FAM162B: variants seen among roughly 807,000 people sequenced by gnomAD.
FAM162B encodes the protein protein FAM162B.
In FAM162B, 16 loss-of-function variants were observed where a neutral mutation model predicts 20.0. That is an observed-to-expected ratio of 0.80 (90% confidence interval 0.54 to 1.21). The LOEUF (loss-of-function observed/expected upper bound fraction) is 1.21, where lower values mean the gene tolerates loss of function less well. Ranked by LOEUF, FAM162B falls within the 50% of genes most tolerant of loss-of-function variation. The pLI is 0.00. For missense variants in FAM162B, 260 were observed against 227.5 expected, an observed-to-expected ratio of 1.14 and a Z score of -0.92; for synonymous variants, 83 against 89.7, an observed-to-expected ratio of 0.93 and a Z score of 0.42.
intron 3 of FAM162B, among the ~76,000 whole-genome samples, chr6:116,760,558 T>C (rs1164184148): frequency 6.6e-6 from 1 of 152,218 alleles, no homozygotes; most frequent in East Asian, 1.9e-4. Context: ...GTCTAATTAA[T>C]GTTTATCTTT....
At position 116,752,508 on chromosome 6, in the gene FAM162B, A is replaced by G. The variant is rs1583462944; in HGVS notation, c.*89T>C. The G allele has an allele frequency of 1.2e-5, 7 of 562,474 alleles. No homozygotes were observed. In the East Asian group the frequency reaches 1.8e-4, roughly 15 times the overall value. The allele number at this position is 562,474 out of a possible 1,614,324, so 34.8% of individuals were successfully genotyped here. ...TGTTACCAAAATAAAACCATGGCAG[A>G]TATTTTGGTAAATATTCTATTTTTC... is the stretch of plus-strand genomic sequence containing the variant. On this transcript the variant is annotated 3_prime_UTR_variant, in exon 4 of 4. Coordinates refer to ENST00000368557, the MANE Select transcript of FAM162B (RefSeq NM_001085480.3).
chr6:116,762,322 A>G (rs1256567562), intron 2 of FAM162B, among the ~76,000 whole-genome samples: 2 of 152,164 alleles, frequency 1.3e-5, no homozygotes, highest in Admixed American at 1.3e-4. Context: ...CACTGTATAG[A>G]ATATTAGTTT....
At chr6:116,765,359 G>A in intron 1 of FAM162B, 46 bp downstream of exon 1, 2 of 1,515,966 alleles carry the variant, frequency 1.3e-6, no homozygotes, top group East Asian at 2.4e-5. Flanking sequence ...CTGCCCTCCC[G>A]CAACCTCCTC....
At chr6:116,754,416 GT>G (rs1780029836) in intron 3 of FAM162B, among the ~76,000 whole-genome samples, 1 of 152,132 alleles carries the variant, frequency 6.6e-6, no homozygotes, top group African/African-American at 2.4e-5. Flanking sequence ...GCATTGAAAC[GT>G]TGTGTCAAAC....
chr6:116,761,640 A>G (rs1780143372), intron 3 of FAM162B, among the ~76,000 whole-genome samples: 1 of 146,236 alleles, frequency 6.8e-6, no homozygotes, highest in African/African-American at 2.5e-5. Context: ...ATATACATAT[A>G]TATACACTTA....
In FAM162B at chr6:116,759,599, G is replaced by A. The variant is rs565682432; in HGVS notation, c.390+2378C>T. On this transcript the variant is annotated intron_variant, in intron 3 of 3. Transcript: ENST00000368557. ...TGGGATTACAGGCGTGAGCCACCGC[G>A]CCCGGCCTGATCTTTATTTTCACTG... Among the ~76,000 whole-genome samples, 9 of 152,086 alleles carry A rather than the reference G, an allele frequency of 5.9e-5. No individual in the cohort carries two copies. In the East Asian group the frequency reaches 1.4e-3, roughly 23 times the overall value.
intron 2 of FAM162B, among the ~76,000 whole-genome samples, chr6:116,764,102 C>T (rs928164067): frequency 3.3e-5 from 5 of 152,060 alleles, no homozygotes; most frequent in African/African-American, 1.2e-4. Context: ...CCATGTTCTC[C>T]CACCCCACCC....
intron 3 of FAM162B, 34 bp from the exon 4 acceptor site, chr6:116,752,729 TATATAG>T (rs2114545245): frequency 5.2e-6 from 3 of 576,844 alleles, no homozygotes; most frequent in Non-Finnish European, 7.5e-6. Flanking sequence ...TATATATATA[TATATAG>T]ATACACGTAT....
At chr6:116,752,716 ATATAT>A in intron 3 of FAM162B, 21 bp from the exon 4 acceptor site, 1 of 281,592 alleles carries the variant, frequency 3.6e-6, no homozygotes. Flanking sequence ...GAAGAAATAT[ATATAT>A]ATATATATAT....
intron 3 of FAM162B, among the ~76,000 whole-genome samples, chr6:116,759,403 G>T (rs1327344982): frequency 3.2e-5 from 4 of 125,250 alleles, no homozygotes; most frequent in African/African-American, 1.1e-4. Context: ...CTGGGTTCAC[G>T]CCATTCTCCT....
At chr6:116,755,889 T>C (rs1780045705) in intron 3 of FAM162B, among the ~76,000 whole-genome samples, 2 of 152,292 alleles carry the variant, frequency 1.3e-5, no homozygotes, top group East Asian at 3.9e-4. Flanking sequence ...TTAAGCTCAC[T>C]GTTGAGACTT....
intron 3 of FAM162B, among the ~76,000 whole-genome samples, chr6:116,754,546 G>A (rs1780030977): frequency 6.6e-6 from 1 of 152,134 alleles, no homozygotes; most frequent in Admixed American, 6.5e-5. Flanking sequence ...ACATTTAATA[G>A]AAGAGTTGAG....
chr6:116,755,486 A>C (rs1376417555), intron 3 of FAM162B, among the ~76,000 whole-genome samples: 1 of 152,250 alleles, frequency 6.6e-6, no homozygotes, highest in Non-Finnish European at 1.5e-5. Flanking sequence ...AGCTGTCTCC[A>C]TAACAAAAGT....
Position 116,752,400 on chromosome 6 carries a change from C to T in FAM162B, c.*197G>A, listed in dbSNP as rs565226734. On this transcript the variant is annotated 3_prime_UTR_variant, in exon 4 of 4. Coordinates refer to ENST00000368557, the MANE Select transcript of FAM162B (RefSeq NM_001085480.3). ...ACATAAATATCTATCAGACTGTATA[C>T]AGTTTTGTCCACTTTTTGAATGCAT... 4.3e-4 allele frequency: 103 copies of T among 237,308 alleles called. No individual in the cohort carries two copies. Among genetic ancestry groups the T allele is most frequent in the Non-Finnish European group, 6.5e-4 (79 of 122,224 alleles). The allele number at this position is 237,308 out of a possible 1,614,324, so 14.7% of individuals were successfully genotyped here.
chr6:116,752,567 A>G lies in FAM162B; in HGVS notation c.*30T>C. 7.8e-7 allele frequency: 1 copy of G among 1,276,182 alleles called. No individual in the cohort carries two copies. The highest frequency in any genetic ancestry group is 1.1e-6 in the Non-Finnish European group (1 of 912,146). The allele number at this position is 1,276,182 out of a possible 1,614,324, so 79.1% of individuals were successfully genotyped here. On this transcript the variant is annotated 3_prime_UTR_variant, in exon 4 of 4. Transcript: ENST00000368557. The stretch of plus-strand genomic sequence containing the variant: ...TACTGTTGCTGATGACAGGGATGGT[A>G]TTCAGGTGAACACTTTGTCACTTAG...
chr6:116,754,740 A>G (rs1780034968), intron 3 of FAM162B, among the ~76,000 whole-genome samples: 1 of 152,022 alleles, frequency 6.6e-6, no homozygotes, highest in Non-Finnish European at 1.5e-5. Context: ...GCAACCTTGC[A>G]TGGAACAAGT....
chr6:116,756,324 T>G (rs951339576), intron 3 of FAM162B, among the ~76,000 whole-genome samples: 1 of 152,158 alleles, frequency 6.6e-6, no homozygotes, highest in African/African-American at 2.4e-5. Flanking sequence ...ACTGCAGATG[T>G]GGTGGAATAG....
rs868422654 is a variant in FAM162B, at chr6:116,762,115, T to C, written c.282-30A>G. 2.3e-5 allele frequency: 34 copies of C among 1,496,662 alleles called. 1 individual carries two copies. The Middle Eastern group carries it at 4.5e-3, about 197-fold the overall frequency. 92.7% of individuals were successfully genotyped at this position (1,496,662 alleles called of 1,614,324 possible). On this transcript the variant is annotated intron_variant, in intron 2 of 3. Coordinates refer to ENST00000368557, the MANE Select transcript of FAM162B (RefSeq NM_001085480.3). ...ACAAAGATGTGTATTTTGTTAAATA[T>C]GTAAAAGTAATATGGTTTTCTGACA...
chr6:116,760,377 G>A (rs1289618311), intron 3 of FAM162B, among the ~76,000 whole-genome samples: 2 of 152,112 alleles, frequency 1.3e-5, no homozygotes, highest in Non-Finnish European at 2.9e-5. Context: ...CATATGTGTT[G>A]AAAATAAAAT....
Sources: allele counts gnomAD v4.1 joint callset (sites outside exome capture counted in the v4.1 genomes callset), GRCh38; gene constraint gnomAD v4.1.1; transcripts MANE v1.5; gene names NCBI Gene and HGNC (gene_info 2026-07-23, HGNC 2026-07-21).